Variants in SLC15A1 observed in about 807,000 individuals in gnomAD.
SLC15A1 encodes the protein Caco-2 oligopeptide transporter.
In SLC15A1, 83 loss-of-function variants were observed where a neutral mutation model predicts 92.9. The ratio of observed to expected loss-of-function variants is 0.89; its 90% confidence interval spans 0.75 to 1.07. The LOEUF (loss-of-function observed/expected upper bound fraction) is 1.07, where lower values mean the gene tolerates loss of function less well. Among genes scored for constraint, SLC15A1 ranks in the 50% least tolerant of loss-of-function variants. SLC15A1 has a pLI of 0.00. For missense variants in SLC15A1, 857 were observed against 880.1 expected (o/e 0.97, Z 0.33); for synonymous variants, 322 against 318.2 (o/e 1.01, Z -0.13).
chr13:98,744,906 TTAGA>T (rs1354153504), intron 1 of SLC15A1, among the ~76,000 whole-genome samples: 2 of 152,202 alleles, frequency 1.3e-5, no homozygotes, highest in African/African-American at 4.8e-5. Context: ...TTAAATTTCA[TTAGA>T]TATTCTCTAA....
chr13:98,691,669 T>C (rs1016298249), intron 18 of SLC15A1, among the ~76,000 whole-genome samples: 6 of 152,232 alleles, frequency 3.9e-5, no homozygotes, highest in African/African-American at 1.2e-4. Context: ...GATGCAGATT[T>C]GCTTCTGAAT....
At chr13:98,739,785 T>C (rs1477845842) in intron 1 of SLC15A1, among the ~76,000 whole-genome samples, 2 of 152,258 alleles carry the variant, frequency 1.3e-5, no homozygotes, top group African/African-American at 4.8e-5. Context: ...ATCTACCACT[T>C]TCTCTGAAAG....
At chr13:98,692,202 G>A (rs2087986050) in intron 18 of SLC15A1, among the ~76,000 whole-genome samples, 1 of 134,208 alleles carries the variant, frequency 7.5e-6, no homozygotes. Context: ...CACCCAGGCT[G>A]GAGTGCAGTG....
rs1214549557 is a variant in SLC15A1 at position 98,706,770 on chromosome 13, T to C, written c.1150-517A>G. On this transcript the variant is annotated intron_variant, in intron 15 of 22. Transcript: ENST00000376503. ...CTTTTTCTTTGTAAATTACCCAGTCTTGGGTACGTCTTTATCAGCAGCATG... is the reference window on the plus strand; with the variant it reads ...CTTTTTCTTTGTAAATTACCCAGTCCTGGGTACGTCTTTATCAGCAGCATG... Among the ~76,000 whole-genome samples the C allele has an allele frequency of 2.6e-5, 4 of 152,272 alleles. No homozygotes were observed. The East Asian group carries it at 7.7e-4, about 29-fold the overall frequency.
Position 98,721,905 on chromosome 13 carries a change from T to A in SLC15A1, c.366-2A>T. ...GCCAGGCCGATCAAGGACAGCACCC[T>A]GGGAAAGACAGGGTGTTAGGGCCAA... On this transcript the variant is annotated splice_acceptor_variant, in intron 5 of 22. Coordinates refer to ENST00000376503, the MANE Select transcript of SLC15A1 (RefSeq NM_005073.4). LOFTEE classifies it high-confidence loss of function. The A allele has an allele frequency of 6.2e-7, 1 of 1,611,698 alleles. No individual in the cohort carries two copies. The highest frequency in any genetic ancestry group is 8.5e-7 in the Non-Finnish European group (1 of 1,178,656).
chr13:98,737,795 T>G (rs2088406300), intron 1 of SLC15A1, among the ~76,000 whole-genome samples: 1 of 152,182 alleles, frequency 6.6e-6, no homozygotes, highest in Non-Finnish European at 1.5e-5. Flanking sequence ...TAGAAGAGCT[T>G]TGGAACGGGC....
chr13:98,717,616 A>G (rs2088221330), intron 8 of SLC15A1, among the ~76,000 whole-genome samples: 1 of 152,198 alleles, frequency 6.6e-6, no homozygotes, highest in African/African-American at 2.4e-5. Context: ...TGAGCCTGCT[A>G]GGGGACGGTG....
intron 5 of SLC15A1, among the ~76,000 whole-genome samples, chr13:98,722,999 A>G (rs2088271829): frequency 6.6e-6 from 1 of 152,236 alleles, no homozygotes; most frequent in African/African-American, 2.4e-5. Flanking sequence ...CAACCAAGGA[A>G]ACTGAGGCAT....
intron 11 of SLC15A1, among the ~76,000 whole-genome samples, chr13:98,710,582 G>A (rs1336218746): frequency 2.0e-5 from 3 of 152,044 alleles, no homozygotes; most frequent in Non-Finnish European, 4.4e-5. Flanking sequence ...TTGGGAGGCC[G>A]AGGCGCGTGG....
intron 18 of SLC15A1, among the ~76,000 whole-genome samples, chr13:98,698,594 C>T (rs2088041927): frequency 6.6e-6 from 1 of 151,968 alleles, no homozygotes. Flanking sequence ...GGCACATGCA[C>T]CATGCCTAAT....
intron 7 of SLC15A1, chr13:98,721,195 G>T (rs1342382218): frequency 5.3e-6 from 3 of 562,526 alleles, no homozygotes; most frequent in Non-Finnish European, 1.0e-5. Flanking sequence ...CACCTCTCTT[G>T]CCTCTTACCT....
At chr13:98,687,459 T>C (rs973386206) in intron 21 of SLC15A1, 122 bp downstream of exon 21, 1 of 1,164,556 alleles carries the variant, frequency 8.6e-7, no homozygotes, top group South Asian at 1.5e-5. Context: ...GTAGGGAAGA[T>C]ACCATAATGC....
At chr13:98,709,514 A>T (rs1170108999) in intron 14 of SLC15A1, 58 bp downstream of exon 14, 3 of 1,438,398 alleles carry the variant, frequency 2.1e-6, no homozygotes, top group East Asian at 4.5e-5. Context: ...AGCGCAGCCC[A>T]TCTGCAAAGC....
chr13:98,741,033 G>A (rs1181193901), intron 1 of SLC15A1, among the ~76,000 whole-genome samples: 2 of 152,050 alleles, frequency 1.3e-5, no homozygotes, highest in East Asian at 3.9e-4. Context: ...GGATTTGAAT[G>A]TTTTGCCACC....
intron 1 of SLC15A1, among the ~76,000 whole-genome samples, chr13:98,751,319 C>G (rs1329839260): frequency 6.6e-6 from 1 of 152,176 alleles, no homozygotes; most frequent in African/African-American, 2.4e-5. Context: ...ATTCCTTCAC[C>G]AATAACCAGG....
intron 7 of SLC15A1, chr13:98,720,976 C>T (rs1021035827): frequency 2.7e-6 from 1 of 372,144 alleles, no homozygotes; most frequent in Admixed American, 3.4e-5. Flanking sequence ...TGCTTGAACC[C>T]AGGAGGTGGA....
rs1486040666 is a variant in SLC15A1, at chr13:98,707,540, A to G, written c.1149+1146T>C. ...AATGGGTACAGAATTTCAGTTTTGT[A>G]AGATGAAGAGTTCTGAAGGTTGACT... On this transcript the variant is annotated intron_variant, in intron 15 of 22. Transcript: ENST00000376503. 3.8e-4 allele frequency among the ~76,000 whole-genome samples: 58 copies of G among 152,184 alleles called. 2 individuals are homozygous for G. Among genetic ancestry groups the G allele is most frequent in the Admixed American group, 3.7e-3 (57 of 15,282 alleles).
chr13:98,725,191 G>T (rs965585805), intron 4 of SLC15A1, among the ~76,000 whole-genome samples: 1 of 152,128 alleles, frequency 6.6e-6, no homozygotes, highest in African/African-American at 2.4e-5. Context: ...TCAGATGCTT[G>T]GTCTTCCAGC....
At chr13:98,712,775 G>A (rs2088174722) in intron 9 of SLC15A1, among the ~76,000 whole-genome samples, 191 bp from the exon 10 acceptor site, 1 of 152,100 alleles carries the variant, frequency 6.6e-6, no homozygotes, top group Non-Finnish European at 1.5e-5. Context: ...TTTGAGTTGG[G>A]GTGAACAGAA....
Sources: allele counts gnomAD v4.1 joint callset (sites outside exome capture counted in the v4.1 genomes callset), GRCh38; gene constraint gnomAD v4.1.1; transcripts MANE v1.5; gene names NCBI Gene and HGNC (gene_info 2026-07-23, HGNC 2026-07-21).